Variants in CADM2 observed in about 807,000 individuals in gnomAD.
CADM2 encodes cell adhesion molecule 2.
A neutral mutation model predicts 49.8 loss-of-function variants in CADM2; 12 were observed. The ratio of observed to expected loss-of-function variants is 0.24; its 90% CI spans 0.15 to 0.39. The LOEUF (loss-of-function observed/expected upper bound fraction) is 0.39, where lower values mean the gene tolerates loss of function less well. Ranked by LOEUF, CADM2 falls within the 10% of genes least tolerant of loss-of-function variation. The pLI is 1.00. For synonymous variants in CADM2, 214 were observed against 175.4 expected (o/e 1.22, Z -1.74); for missense variants, 378 against 492.3 (o/e 0.77, Z 2.20).
chr3:84,961,300 G>A (rs2030484449), intron 1 of CADM2, among the ~76,000 whole-genome samples: 1 of 152,132 alleles, frequency 6.6e-6, no homozygotes, highest in Non-Finnish European at 1.5e-5. Flanking sequence ...AAAAAGAGGC[G>A]GTGGGCAGAA....
intron 2 of CADM2, among the ~76,000 whole-genome samples, chr3:85,781,185 C>T (rs2070625372): frequency 6.6e-6 from 1 of 152,198 alleles, no homozygotes; most frequent in South Asian, 2.1e-4. Flanking sequence ...GCATCCCCAT[C>T]TATTCTATCA....
chr3:85,214,474 G>T (rs2041874926), intron 1 of CADM2, among the ~76,000 whole-genome samples: 1 of 151,816 alleles, frequency 6.6e-6, no homozygotes, highest in African/African-American at 2.4e-5. Flanking sequence ...CATGGACTCT[G>T]CTATCAGCAT....
At chr3:85,314,317 G>A (rs1333963795) in intron 1 of CADM2, among the ~76,000 whole-genome samples, 2 of 150,302 alleles carry the variant, frequency 1.3e-5, no homozygotes, top group Non-Finnish European at 3.0e-5. Context: ...CTTTATGCAC[G>A]TTTTTTTCTT....
intron 2 of CADM2, among the ~76,000 whole-genome samples, chr3:85,731,085 T>A (rs1453770280): frequency 1.3e-5 from 2 of 152,138 alleles, no homozygotes; most frequent in Non-Finnish European, 2.9e-5. Flanking sequence ...ATACATAATA[T>A]TATCACATAA....
intron 3 of CADM2, among the ~76,000 whole-genome samples, chr3:85,836,565 A>G (rs1036063146): frequency 6.6e-6 from 1 of 151,596 alleles, no homozygotes; most frequent in African/African-American, 2.4e-5. Flanking sequence ...CTATATGACA[A>G]AAAGGGCCTT....
Position 85,071,877 on chromosome 3 carries a change from A to G in CADM2, c.61+112209A>G, listed in dbSNP as rs1207636624. 3.3e-5 allele frequency among the ~76,000 whole-genome samples: 5 copies of G among 151,800 alleles called. No homozygotes were observed. The East Asian group carries it at 9.6e-4, about 29-fold the overall frequency. On this transcript the variant is annotated intron_variant, in intron 1 of 9. Transcript: ENST00000383699. ...GCAAAAACATGTTTAATTCAAAACT[A>G]TCACTCTACCAACAAGGTCATTCTG...
intron 1 of CADM2, among the ~76,000 whole-genome samples, chr3:85,089,662 GAACATTTTTTGTCTT>G (rs2037518406): frequency 6.6e-6 from 1 of 151,994 alleles, no homozygotes; most frequent in Non-Finnish European, 1.5e-5. Flanking sequence ...CCTTTAACTG[GAACATTTTTTGTCTT>G]AATTAGAGTA....
intron 1 of CADM2, among the ~76,000 whole-genome samples, chr3:85,115,980 T>C (rs2107579666): frequency 6.6e-6 from 1 of 152,314 alleles, no homozygotes; most frequent in South Asian, 2.1e-4. Context: ...CATGATTTTA[T>C]CTTCATTAGC....
At chr3:85,292,310 A>C (rs2043822297) in intron 1 of CADM2, among the ~76,000 whole-genome samples, 1 of 150,558 alleles carries the variant, frequency 6.6e-6, no homozygotes, top group South Asian at 2.1e-4. Flanking sequence ...TGACCTACAA[A>C]GAGACTTAGA....
chr3:85,452,325 T>G (rs1279570932), intron 1 of CADM2, among the ~76,000 whole-genome samples: 1 of 152,136 alleles, frequency 6.6e-6, no homozygotes, highest in Non-Finnish European at 1.5e-5. Flanking sequence ...GCTTTTGATC[T>G]TTCATCTTTG....
chr3:85,003,164 A>G (rs2033557362), intron 1 of CADM2, among the ~76,000 whole-genome samples: 1 of 151,988 alleles, frequency 6.6e-6, no homozygotes, highest in East Asian at 1.9e-4. Flanking sequence ...AGCTAGAGAT[A>G]AAAGGCCAAA....
chr3:85,156,073 C>G (rs1307195043), intron 1 of CADM2, among the ~76,000 whole-genome samples: 1 of 152,028 alleles, frequency 6.6e-6, no homozygotes, highest in Non-Finnish European at 1.5e-5. Context: ...ACTAGAAAAA[C>G]AAGAGCAAAC....
intron 1 of CADM2, among the ~76,000 whole-genome samples, chr3:85,205,437 A>G (rs965262759): frequency 6.6e-6 from 1 of 152,176 alleles, no homozygotes; most frequent in Non-Finnish European, 1.5e-5. Context: ...AAATGTTATA[A>G]GTTTATGTAA....
At chr3:85,153,237 G>A (rs375436588) in intron 1 of CADM2, among the ~76,000 whole-genome samples, 81 of 152,258 alleles carry the variant, frequency 5.3e-4, no homozygotes, top group East Asian at 3.9e-3. Flanking sequence ...CGCACCCTGC[G>A]CGAGCCGAAG....
At chr3:85,038,313 A>C (rs765954635) in intron 1 of CADM2, among the ~76,000 whole-genome samples, 44 of 152,234 alleles carry the variant, frequency 2.9e-4, no homozygotes, top group Non-Finnish European at 5.7e-4. Context: ...TTTAGTGAAA[A>C]TTAAATAAGA....
rs1056030507 is a variant in CADM2 at position 85,286,628 on chromosome 3, A to G, written c.61+326960A>G. Among the ~76,000 whole-genome samples the G allele has an allele frequency of 3.3e-5, 5 of 152,242 alleles. 1 individual carries two copies. The highest frequency in any genetic ancestry group is 6.8e-3 in the Middle Eastern group (2 of 294). On this transcript the variant is annotated intron_variant, in intron 1 of 9. Coordinates refer to ENST00000383699, the MANE Select transcript of CADM2 (RefSeq NM_001167675.2). ...GGAACCTCCTTAATTATAATTCTAG[A>G]TATAATTGACCCAAACATTGCTGTT...
chr3:84,996,391 T>C (rs559184302), intron 1 of CADM2, among the ~76,000 whole-genome samples: 18 of 152,214 alleles, frequency 1.2e-4, no homozygotes, highest in South Asian at 8.3e-4. Context: ...TAATAATTAA[T>C]TTACTTGTAT....
intron 2 of CADM2, among the ~76,000 whole-genome samples, chr3:85,775,557 A>G (rs965183489): frequency 6.6e-6 from 1 of 151,938 alleles, no homozygotes; most frequent in Middle Eastern, 3.4e-3. Context: ...AATCGTTTGT[A>G]CTCAGAATTT....
intron 1 of CADM2, among the ~76,000 whole-genome samples, chr3:85,228,688 C>G (rs1242914944): frequency 6.6e-6 from 1 of 152,022 alleles, no homozygotes; most frequent in Non-Finnish European, 1.5e-5. Context: ...GATCCTTCCT[C>G]TGGAAGCTTT....
Sources: gnomAD v4.1 joint callset for allele counts (sites outside exome capture counted in the v4.1 genomes callset) on GRCh38, gnomAD v4.1.1 for gene constraint, MANE v1.5 for transcripts, NCBI Gene and HGNC (gene_info 2026-07-23, HGNC 2026-07-21) for gene names.